Variants in RGS20 observed in about 807,000 individuals in gnomAD.
RGS20 encodes the protein gz-selective GTPase-activating protein.
Under a neutral mutation model 33.6 loss-of-function variants are expected in RGS20, and 30 were observed. The observed-to-expected ratio is 0.89, with a 90% CI of 0.67 to 1.21. RGS20 has a LOEUF of 1.21. Ranked by LOEUF, RGS20 falls within the 50% of genes most tolerant of loss-of-function variation. The probability of loss-of-function intolerance (pLI) is 0.00; values close to 1 mark genes in which losing one functional copy is unlikely to be tolerated. For synonymous variants in RGS20, 208 were observed against 197.9 expected (o/e 1.05, Z -0.43); for missense variants, 472 against 502.4 (o/e 0.94, Z 0.58).
Position 53,946,886 on chromosome 8 carries a change from G to A in RGS20, c.743+138G>A, listed in dbSNP as rs193003318. The A allele has an allele frequency of 1.1e-3, 685 of 611,496 alleles. 17 individuals are homozygous for A. In the South Asian group the frequency reaches 0.016, roughly 14 times the overall value. The allele number at this position is 611,496 out of a possible 1,614,324, so 37.9% of individuals were successfully genotyped here. On this transcript the variant is annotated intron_variant, in intron 4 of 5. Transcript: ENST00000297313. Reference sequence around the variant, plus strand: ...TAATATCCAATCATTATGTGGCCTCGCATTCCTCCCCTGCAGAATTCCATT... The same window carrying A: ...TAATATCCAATCATTATGTGGCCTCACATTCCTCCCCTGCAGAATTCCATT...
chr8:53,872,605 G>A (rs118180782), intron 1 of RGS20, among the ~76,000 whole-genome samples: 34 of 152,218 alleles, frequency 2.2e-4, no homozygotes, highest in East Asian at 2.1e-3. Flanking sequence ...TTCTGTTTCC[G>A]CTGTTCTCTT....
intron 1 of RGS20, among the ~76,000 whole-genome samples, chr8:53,862,714 G>A (rs1811836354): frequency 6.6e-6 from 1 of 152,052 alleles, no homozygotes; most frequent in Non-Finnish European, 1.5e-5. Context: ...CATGAGGATT[G>A]CTTGAGCCCA....
intron 2 of RGS20, among the ~76,000 whole-genome samples, chr8:53,890,380 C>G (rs1812680375): frequency 2.0e-5 from 3 of 152,110 alleles, no homozygotes; most frequent in South Asian, 2.1e-4. Context: ...TAATTCTTAT[C>G]TACTAAATCC....
At chr8:53,881,775 G>A (rs1043452282) in intron 2 of RGS20, among the ~76,000 whole-genome samples, 1 of 152,140 alleles carries the variant, frequency 6.6e-6, no homozygotes, top group South Asian at 2.1e-4. Flanking sequence ...GGCAGTTAAC[G>A]TGCAGGCGCC....
rs961677337 is a variant in RGS20 at position 53,951,103 on chromosome 8, A to C, written c.744-2973A>C. Among the ~76,000 whole-genome samples the C allele has an allele frequency of 2.6e-5, 4 of 152,350 alleles. 1 individual carries two copies. The East Asian group carries it at 7.7e-4, about 29-fold the overall frequency. The stretch of plus-strand genomic sequence containing the variant: ...AAAGCAAAAATTGCTAGAGCAAGAC[A>C]TTTACAAATCTGCTAACGATAGAGG... On this transcript the variant is annotated intron_variant, in intron 4 of 5. Coordinates refer to ENST00000297313, the MANE Select transcript of RGS20 (RefSeq NM_170587.4).
At chr8:53,891,561 C>A (rs1243373249) in intron 2 of RGS20, among the ~76,000 whole-genome samples, 1 of 152,054 alleles carries the variant, frequency 6.6e-6, no homozygotes, top group Non-Finnish European at 1.5e-5. Context: ...GCAGAGATTG[C>A]AGTGAGCCAA....
chr8:53,875,212 A>G (rs1162308479), intron 1 of RGS20, among the ~76,000 whole-genome samples: 2 of 152,144 alleles, frequency 1.3e-5, no homozygotes, highest in Non-Finnish European at 2.9e-5. Flanking sequence ...TGGGAGGATT[A>G]CATGAGGTCA....
chr8:53,911,611 G>A (rs945034361), intron 2 of RGS20, among the ~76,000 whole-genome samples: 1 of 152,180 alleles, frequency 6.6e-6, no homozygotes, highest in Admixed American at 6.5e-5. Context: ...AAATCGAAAA[G>A]GTGTTATGAG....
Position 53,905,779 on chromosome 8 carries a change from A to T in RGS20, c.510+26177A>T, listed in dbSNP as rs1011799088. 5.9e-5 allele frequency among the ~76,000 whole-genome samples: 9 copies of T among 152,202 alleles called. No homozygotes were observed. In the East Asian group the frequency reaches 1.7e-3, roughly 29 times the overall value. Reference sequence around the variant, plus strand: ...GTCTGTTTTTCTAACTTCATTGTGTAAATTCTTGAATGAGAATCTAGCGAG... The same window carrying T: ...GTCTGTTTTTCTAACTTCATTGTGTTAATTCTTGAATGAGAATCTAGCGAG... On this transcript the variant is annotated intron_variant, in intron 2 of 5. Transcript: ENST00000297313.
chr8:53,924,723 T>G (rs183988167), intron 2 of RGS20, among the ~76,000 whole-genome samples: 2 of 152,282 alleles, frequency 1.3e-5, no homozygotes, highest in Non-Finnish European at 2.9e-5. Context: ...ACATTAAGAT[T>G]TCCTTCACTG....
rs1814794715 is a variant in RGS20 at position 53,954,233 on chromosome 8, G to A, written c.901G>A (p.Glu301Lys). 2 of 1,613,922 alleles carry A rather than the reference G, an allele frequency of 1.2e-6. No individual in the cohort carries two copies. Among genetic ancestry groups the A allele is most frequent in the Non-Finnish European group, 1.7e-6 (2 of 1,179,924 alleles). Residue 301 changes from glutamate to lysine, a missense_variant, in exon 5 of 6, where the codon GAA becomes AAA. By Grantham distance (56) the Glu-to-Lys change is moderately conservative. This residue lies in a region of RGS20 where 125 missense variants were observed against 169.5 expected (regional missense o/e 0.74). Transcript: ENST00000297313. Reference sequence around the variant, plus strand: ...GATGGCCTGTGAGGAACTGAAAAAGGAAGCTAATAAAAACATTATTGAAGA... The same window carrying A: ...GATGGCCTGTGAGGAACTGAAAAAGAAAGCTAATAAAAACATTATTGAAGA...
chr8:53,929,861 A>C (rs1585931513), intron 2 of RGS20, among the ~76,000 whole-genome samples: 1 of 152,190 alleles, frequency 6.6e-6, no homozygotes, highest in Non-Finnish European at 1.5e-5. Flanking sequence ...AGGGCTAGAG[A>C]GTTAAAATTA....
chr8:53,891,490 G>A (rs752121514), intron 2 of RGS20, among the ~76,000 whole-genome samples: 6 of 152,004 alleles, frequency 3.9e-5, no homozygotes, highest in Admixed American at 1.3e-4. Context: ...GTGTGGTGGC[G>A]TGTGCCTGTA....
At chr8:53,860,513 G>C (rs905572726) in intron 1 of RGS20, among the ~76,000 whole-genome samples, 4 of 152,240 alleles carry the variant, frequency 2.6e-5, no homozygotes, top group Non-Finnish European at 5.9e-5. Context: ...GAAATAGCAA[G>C]GAGGCAGGAG....
chr8:53,865,872 T>C (rs1811907426), intron 1 of RGS20, among the ~76,000 whole-genome samples: 2 of 152,192 alleles, frequency 1.3e-5, no homozygotes, highest in Non-Finnish European at 2.9e-5. Flanking sequence ...TGTTCCAAAG[T>C]ACTGGATTAC....
At chr8:53,886,801 CT>C (rs1299523278) in intron 2 of RGS20, among the ~76,000 whole-genome samples, 2 of 152,182 alleles carry the variant, frequency 1.3e-5, no homozygotes, top group Non-Finnish European at 2.9e-5. Context: ...ACACTGGGGA[CT>C]TTAACCCTTT....
intron 2 of RGS20, among the ~76,000 whole-genome samples, chr8:53,916,392 T>C (rs971500785): frequency 6.6e-6 from 1 of 152,150 alleles, no homozygotes; most frequent in Non-Finnish European, 1.5e-5. Flanking sequence ...AGATTTACTA[T>C]TGTTTCTTGA....
chr8:53,936,253 A>G (rs1814130745), intron 2 of RGS20, among the ~76,000 whole-genome samples: 2 of 152,346 alleles, frequency 1.3e-5, no homozygotes, highest in East Asian at 1.9e-4. Context: ...GGCCAGGGCA[A>G]TCAGGCAAGA....
intron 1 of RGS20, among the ~76,000 whole-genome samples, chr8:53,860,034 C>T (rs773944600): frequency 6.6e-6 from 1 of 152,094 alleles, no homozygotes; most frequent in African/African-American, 2.4e-5. Flanking sequence ...CTCTAGAAAC[C>T]ATTTATTTCC....
Sources: allele counts gnomAD v4.1 joint callset (sites outside exome capture counted in the v4.1 genomes callset), GRCh38; gene constraint gnomAD v4.1.1; regional missense constraint gnomAD v4.1.1; transcripts MANE v1.5; gene names NCBI Gene and HGNC (gene_info 2026-07-23, HGNC 2026-07-21).